Variants in QTMAN observed in about 807,000 individuals in gnomAD.
QTMAN encodes queuosine-tRNA mannosyltransferase, also known as tRNA-queuosine alpha-mannosyltransferase.
chr2:143,973,351 T>C, the QTMAN span, among the ~76,000 whole-genome samples: 1 of 152,206 alleles, frequency 6.6e-6, no homozygotes, highest in Non-Finnish European at 1.5e-5. Context: ...TTCTAAAAAT[T>C]ATTACTTATA....
chr2:144,108,973 A>T, the QTMAN span, among the ~76,000 whole-genome samples: 1 of 152,328 alleles, frequency 6.6e-6, no homozygotes, highest in East Asian at 1.9e-4. Context: ...ACATCATGAA[A>T]ATGGTCGTAC....
At chr2:144,172,621 C>CAAAAAAAAAAAAAAAA in the QTMAN span, among the ~76,000 whole-genome samples, 1 of 51,362 alleles carries the variant, frequency 1.9e-5, no homozygotes. Context: ...AAGACTCTGT[C>CAAAAAAAAAAAAAAAA]AAAAAAAAAA....
chr2:144,297,387 A>G, the QTMAN span, among the ~76,000 whole-genome samples: 2 of 152,116 alleles, frequency 1.3e-5, no homozygotes, highest in African/African-American at 4.8e-5. Context: ...TTACTCAAGA[A>G]TAAATCAACT....
the QTMAN span, among the ~76,000 whole-genome samples, chr2:144,065,762 C>CTTT: frequency 2.3e-5 from 3 of 132,510 alleles, no homozygotes; most frequent in Non-Finnish European, 3.3e-5. Flanking sequence ...AAGAAAATAA[C>CTTT]TTTTTTTTTT....
chr2:143,988,305 T>C, the QTMAN span, among the ~76,000 whole-genome samples: 2 of 152,160 alleles, frequency 1.3e-5, no homozygotes, highest in Non-Finnish European at 2.9e-5. Context: ...TCATGCAACC[T>C]GTGGGCAGAT....
chr2:144,060,863 T>C, the QTMAN span, among the ~76,000 whole-genome samples: 37 of 152,372 alleles, frequency 2.4e-4, no homozygotes, highest in African/African-American at 8.7e-4. Context: ...CAAATGTTTA[T>C]AAACATAAAG....
chr2:143,944,244 C>T, the QTMAN span: 1 of 133,950 alleles, frequency 7.5e-6, no homozygotes, highest in Non-Finnish European at 1.6e-5. Flanking sequence ...CGTGTGCACA[C>T]ACACACACAC....
At chr2:143,971,171 G>C in the QTMAN span, among the ~76,000 whole-genome samples, 5 of 150,626 alleles carry the variant, frequency 3.3e-5, no homozygotes, top group African/African-American at 4.9e-5. Context: ...ACTCTCCAAT[G>C]ATCATGAGAA....
At chr2:143,961,694 G>A in the QTMAN span, among the ~76,000 whole-genome samples, 1 of 152,082 alleles carries the variant, frequency 6.6e-6, no homozygotes, top group Non-Finnish European at 1.5e-5. Context: ...TCCCTGGTAG[G>A]ATGGATAAAT....
At chr2:144,170,138 T>C in the QTMAN span, among the ~76,000 whole-genome samples, 2 of 152,216 alleles carry the variant, frequency 1.3e-5, no homozygotes, top group Admixed American at 1.3e-4. Flanking sequence ...TTTCACTATA[T>C]GAATATACTA....
chr2:144,121,051 C>T, the QTMAN span, among the ~76,000 whole-genome samples: 2 of 152,130 alleles, frequency 1.3e-5, no homozygotes, highest in Admixed American at 6.5e-5. Context: ...TCAGTGTAAG[C>T]TGTCTTTACC....
chr2:144,052,706 C>T, the QTMAN span, among the ~76,000 whole-genome samples: 5 of 152,108 alleles, frequency 3.3e-5, no homozygotes, highest in Non-Finnish European at 7.4e-5. Flanking sequence ...GACTGGAGTG[C>T]GGTGGCACGA....
the QTMAN span, among the ~76,000 whole-genome samples, chr2:144,254,764 G>A: frequency 2.0e-5 from 3 of 152,232 alleles, no homozygotes; most frequent in African/African-American, 7.2e-5. Context: ...GAGGGAAGCT[G>A]TACCCTGCAA....
At chr2:144,307,428 C>T in the QTMAN span, among the ~76,000 whole-genome samples, 2 of 152,094 alleles carry the variant, frequency 1.3e-5, no homozygotes, top group African/African-American at 2.4e-5. Flanking sequence ...TTCACTCTCA[C>T]CGCTTCTATT....
the QTMAN span, among the ~76,000 whole-genome samples, chr2:143,975,691 C>T: frequency 6.6e-6 from 1 of 152,202 alleles, no homozygotes; most frequent in African/African-American, 2.4e-5. Context: ...ATTCTGGCTA[C>T]ATCTTTCTCT....
At chr2:144,116,650 G>A in the QTMAN span, among the ~76,000 whole-genome samples, 1 of 152,042 alleles carries the variant, frequency 6.6e-6, no homozygotes, top group Non-Finnish European at 1.5e-5. Flanking sequence ...GAGAGAGAGA[G>A]CACATGCAAG....
the QTMAN span, among the ~76,000 whole-genome samples, chr2:144,003,036 T>C: frequency 2.0e-5 from 3 of 152,080 alleles, no homozygotes; most frequent in African/African-American, 7.2e-5. Flanking sequence ...TGGGAGAATA[T>C]AGTTAATTTT....
At chr2:144,053,910 G>C in the QTMAN span, among the ~76,000 whole-genome samples, 1 of 152,178 alleles carries the variant, frequency 6.6e-6, no homozygotes, top group Non-Finnish European at 1.5e-5. Context: ...AAACCTGGCC[G>C]GGCGTGGTGG....
the QTMAN span, among the ~76,000 whole-genome samples, chr2:143,973,090 TA>T: frequency 1.3e-5 from 2 of 152,198 alleles, no homozygotes; most frequent in Non-Finnish European, 2.9e-5. Flanking sequence ...AAGTAACAGT[TA>T]AGTGGTTACT....
Sources: gnomAD v4.1 joint callset for allele counts (sites outside exome capture counted in the v4.1 genomes callset) on GRCh38, gnomAD v4.1.1 for gene constraint, MANE v1.5 for transcripts, NCBI Gene and HGNC (gene_info 2026-07-23, HGNC 2026-07-21) for gene names.